The following GSDMA variants were observed in gnomAD, a reference collection of about 807,000 sequenced individuals.
GSDMA encodes gasdermin-A.
In GSDMA, 55 loss-of-function variants were observed where a neutral mutation model predicts 54.3. That is an observed-to-expected ratio of 1.01 (90% CI 0.82 to 1.27). The LOEUF (loss-of-function observed/expected upper bound fraction) is 1.27. Ranked by LOEUF, GSDMA falls within the 50% of genes most tolerant of loss-of-function variation. The probability of loss-of-function intolerance (pLI) is 0.00; values close to 1 mark genes in which losing one functional copy is unlikely to be tolerated. For missense variants in GSDMA, 542 were observed against 542.6 expected (o/e 1.00, Z 0.01); for synonymous variants, 211 against 224.7 (o/e 0.94, Z 0.54).
intron 10 of GSDMA, 108 bp from the exon 11 acceptor site, chr17:39,975,816 G>T (rs1321956909): frequency 3.7e-6 from 3 of 804,368 alleles, no homozygotes; most frequent in African/African-American, 1.7e-5. Flanking sequence ...CACCTGCGTT[G>T]TAATTACATC....
intron 3 of GSDMA, among the ~76,000 whole-genome samples, chr17:39,968,891 A>G (rs1207629058): frequency 6.6e-6 from 1 of 152,170 alleles, no homozygotes; most frequent in East Asian, 1.9e-4. Flanking sequence ...ACAGGAAGAC[A>G]CAGGTTAGAG....
Position 39,976,885 on chromosome 17 carries a change from C to T in GSDMA, c.1165C>T (p.Leu389Phe), listed in dbSNP as rs1980222875. Residue 389 changes from leucine (L) to phenylalanine (F), a missense_variant, in exon 12 of 12, where the codon CTC becomes TTC. Transcript: ENST00000301659. Reference protein sequence around the residue: ...EGVFPLQPELLSSLGDEELTL... With the variant: ...EGVFPLQPELFSSLGDEELTL... ...TGTTTTCCCCCTGCAACCTGAGCTGCTCTCCTCCCTTGGGGACGAGGAGCT... is the reference window on the plus strand; with the variant it reads ...TGTTTTCCCCCTGCAACCTGAGCTGTTCTCCTCCCTTGGGGACGAGGAGCT... 4.3e-6 allele frequency: 7 copies of T among 1,614,014 alleles called. No individual in the cohort carries two copies. Among genetic ancestry groups the T allele is most frequent in the Non-Finnish European group, 5.9e-6 (7 of 1,179,892 alleles).
At chr17:39,963,396 C>T (rs557962590) in intron 1 of GSDMA, among the ~76,000 whole-genome samples, 8 of 151,280 alleles carry the variant, frequency 5.3e-5, no homozygotes, top group African/African-American at 1.9e-4. Context: ...GCATCTGTGC[C>T]GTGCTTCCTG....
intron 7 of GSDMA, among the ~76,000 whole-genome samples, chr17:39,973,553 A>G (rs1328404640): frequency 1.5e-5 from 2 of 137,074 alleles, no homozygotes; most frequent in African/African-American, 2.7e-5. Flanking sequence ...TGAGCCACTG[A>G]GCCTGGCCTA....
chr17:39,972,844 C>G (rs10852937), intron 7 of GSDMA, among the ~76,000 whole-genome samples: 124,722 of 152,112 alleles, frequency 0.82, 51,173 homozygotes, highest in East Asian at 0.88. Context: ...AACAGCCTTA[C>G]TAGCAGCCAG....
Position 39,977,539 on chromosome 17 carries a change from G to T in GSDMA, c.*481G>T, listed in dbSNP as rs60134943. The T allele has an allele frequency of 0.41, 63,355 of 153,188 alleles. 13,413 individuals are homozygous for T. The highest frequency in any genetic ancestry group is 0.48 in the East Asian group (2,540 of 5,278). The allele number at this position is 153,188 out of a possible 1,614,324, so 9.5% of individuals were successfully genotyped here. On this transcript the variant is annotated 3_prime_UTR_variant, in exon 12 of 12. Transcript: ENST00000301659. ...ACTCCTGGCCTCAAGTGATCTGCCC[G>T]CCTCGGCCTCCCAAAGTGCTGGGAT...
chr17:39,971,926 T>C (rs909922784), intron 5 of GSDMA, among the ~76,000 whole-genome samples: 5 of 133,264 alleles, frequency 3.8e-5, no homozygotes, highest in Non-Finnish European at 6.7e-5. Context: ...GAATGGATGA[T>C]AGAAAGTAGT....
At chr17:39,971,725 G>T in intron 5 of GSDMA, 105 bp downstream of exon 5, 1 of 807,902 alleles carries the variant, frequency 1.2e-6, no homozygotes, top group Non-Finnish European at 2.1e-6. Flanking sequence ...TGAGTAGGGG[G>T]GTGTATTGTA....
chr17:39,964,232 C>A (rs79208875), intron 1 of GSDMA, among the ~76,000 whole-genome samples: 1 of 152,100 alleles, frequency 6.6e-6, no homozygotes, highest in South Asian at 2.1e-4. Context: ...GATCCGGAAG[C>A]GGGTATTGTA....
Position 39,966,255 on chromosome 17 carries a change from T to G in GSDMA, c.215-5T>G. 1.2e-6 allele frequency: 2 copies of G among 1,613,904 alleles called. No homozygotes were observed. Among genetic ancestry groups the G allele is most frequent in the Non-Finnish European group, 1.7e-6 (2 of 1,179,856 alleles). ...CCAGCCCCTTTTGTCTTTTCCCTCC[T>G]GCAGACCCAACAGACACTGGGAATT... is the stretch of plus-strand genomic sequence containing the variant. On this transcript the variant is annotated splice_region_variant and splice_polypyrimidine_tract_variant and intron_variant, in intron 2 of 11. Transcript: ENST00000301659.
chr17:39,966,019 C>A, intron 2 of GSDMA, 118 bp downstream of exon 2: 2 of 964,138 alleles, frequency 2.1e-6, no homozygotes, highest in Non-Finnish European at 1.5e-6. Context: ...GTCATCTAGC[C>A]CAAAGTCATC....
At position 39,972,110 on chromosome 17, in the gene GSDMA, C is replaced by A; in HGVS notation, c.656-19C>A. ...AGCTGCTAAGTGTCCTCCCACCCTC[C>A]CTCCCTTGCCCTTCACAGATATTCC... On this transcript the variant is annotated intron_variant, in intron 5 of 11. Coordinates refer to ENST00000301659, the MANE Select transcript of GSDMA (RefSeq NM_178171.5). 2 of 1,220,256 alleles carry A rather than the reference C, an allele frequency of 1.6e-6. No homozygotes were observed. The highest frequency in any genetic ancestry group is 2.4e-6 in the Non-Finnish European group (2 of 832,388). 75.6% of individuals were successfully genotyped at this position (1,220,256 alleles called of 1,614,324 possible). A position where few individuals can be genotyped will look rare whatever the true frequency, so the allele number is the denominator to read the frequency against.
chr17:39,970,570 CAGG>C lies in GSDMA; in HGVS notation c.485_487del (p.Glu162del), dbSNP rs1325439343. ...GGTGATGGAGGTGGTGGAGACGGTGCAGGAGGTCACACTGGAGCGAGCCGGCAA... is the reference window on the plus strand; with the variant it reads ...GGTGATGGAGGTGGTGGAGACGGTGCAGGTCACACTGGAGCGAGCCGGCAA... On this transcript the variant is annotated inframe_deletion, in exon 4 of 12. Transcript: ENST00000301659. 1 of 1,609,150 alleles carries C rather than the reference CAGG, an allele frequency of 6.2e-7. No homozygotes were observed. Among genetic ancestry groups the C allele is most frequent in the Non-Finnish European group, 8.5e-7 (1 of 1,177,548 alleles).
chr17:39,965,190 G>A (rs1211864319), intron 1 of GSDMA, among the ~76,000 whole-genome samples: 1 of 140,082 alleles, frequency 7.1e-6, no homozygotes, highest in Non-Finnish European at 1.5e-5. Flanking sequence ...AGGAAGGAAG[G>A]AAGGGAGAGG....
In GSDMA at chr17:39,974,328, A is replaced by G. The variant is rs745532066; in HGVS notation, c.807A>G (p.Gln269=). The G allele has an allele frequency of 1.9e-6, 3 of 1,610,480 alleles. No individual in the cohort carries two copies. The highest frequency in any genetic ancestry group is 2.2e-5 in the South Asian group (2 of 90,080). ...TLKEEVQRET[Q]QVEKLSRVGQ... ...AAGAAGAAGTTCAGAGAGAGACCCAACAAGTGGAGAAGCTGAGCCGAGTAG... is the reference window on the plus strand; with the variant it reads ...AAGAAGAAGTTCAGAGAGAGACCCAGCAAGTGGAGAAGCTGAGCCGAGTAG... Residue 269 remains glutamine (Q), a synonymous_variant, in exon 9 of 12, where the codon CAA becomes CAG. Transcript: ENST00000301659.
chr17:39,965,285 G>A lies in GSDMA; in HGVS notation c.-5-398G>A, dbSNP rs187958774. Among the ~76,000 whole-genome samples the A allele has an allele frequency of 2.0e-3, 224 of 112,294 alleles. 2 individuals are homozygous for A. The highest frequency in any genetic ancestry group is 6.6e-3 in the African/African-American group (202 of 30,524). 73.7% of individuals were successfully genotyped at this position (112,294 alleles called of 152,430 possible). On this transcript the variant is annotated intron_variant, in intron 1 of 11. Transcript: ENST00000301659. Reference sequence around the variant, plus strand: ...GAGAAAGAAAGAAGGAAGGAAGGAAGGAAAGAAAGAAAGAAAGAGAAATAA... The same window carrying A: ...GAGAAAGAAAGAAGGAAGGAAGGAAAGAAAGAAAGAAAGAAAGAGAAATAA...
At chr17:39,972,061 A>C in intron 5 of GSDMA, 68 bp from the exon 6 acceptor site, 1 of 1,097,342 alleles carries the variant, frequency 9.1e-7, no homozygotes, top group Non-Finnish European at 1.4e-6. Flanking sequence ...CTTTGGCTTG[A>C]GACTGAAGAA....
At position 39,971,691 on chromosome 17, in the gene GSDMA, C is replaced by T. The variant is rs1979950635; in HGVS notation, c.655+71C>T. 27 of 1,129,410 alleles carry T rather than the reference C, an allele frequency of 2.4e-5. No homozygotes were observed. The South Asian group carries it at 3.4e-4, about 14-fold the overall frequency. The allele number at this position is 1,129,410 out of a possible 1,614,324, so 70.0% of individuals were successfully genotyped here. A position where few individuals can be genotyped will look rare whatever the true frequency, so the allele number is the denominator to read the frequency against. ...GCACCAGTACTGAGGCACCCTGGTC[C>T]CCTCTTGCGGAAATGTCAGAGAATG... On this transcript the variant is annotated intron_variant, in intron 5 of 11. Coordinates refer to ENST00000301659, the MANE Select transcript of GSDMA (RefSeq NM_178171.5).
intron 5 of GSDMA, 29 bp from the exon 6 acceptor site, chr17:39,972,100 T>TTGCC: frequency 3.6e-6 from 3 of 835,094 alleles, no homozygotes; most frequent in Non-Finnish European, 6.1e-6. Context: ...CTAAGTGTCC[T>TTGCC]CCCACCCTCC....
Sources: allele counts gnomAD v4.1 joint callset (sites outside exome capture counted in the v4.1 genomes callset), GRCh38; gene constraint gnomAD v4.1.1; transcripts MANE v1.5; gene names NCBI Gene and HGNC (gene_info 2026-07-23, HGNC 2026-07-21).